ENTHD1: variants seen among roughly 807,000 people sequenced by gnomAD.
ENTHD1 encodes ENTH domain containing 1.
ENTHD1 carries 23 observed loss-of-function variants against 39.1 expected under a neutral mutation model. The ratio of observed to expected loss-of-function variants is 0.59; its 90% CI spans 0.42 to 0.83. ENTHD1 has a LOEUF of 0.83. Among genes scored for constraint, ENTHD1 ranks in the 40% least tolerant of loss-of-function variants. The pLI is 0.00. For synonymous variants in ENTHD1, 230 were observed against 258.2 expected, an observed-to-expected ratio of 0.89 and a Z score of 1.05; for missense variants, 624 against 705.4, an observed-to-expected ratio of 0.88 and a Z score of 1.31.
intron 1 of ENTHD1, among the ~76,000 whole-genome samples, chr22:39,889,385 T>C (rs1024465684): frequency 6.6e-6 from 1 of 152,156 alleles, no homozygotes; most frequent in Non-Finnish European, 1.5e-5. Flanking sequence ...CCATTCCCTT[T>C]CTCTTTTTCA....
intron 3 of ENTHD1, among the ~76,000 whole-genome samples, chr22:39,838,024 A>G (rs1862891546): frequency 6.6e-6 from 1 of 152,362 alleles, no homozygotes; most frequent in Non-Finnish European, 1.5e-5. Context: ...CCAAAAATTG[A>G]ATGAACCAAA....
chr22:39,861,891 A>G lies in ENTHD1; in HGVS notation c.466T>C (p.Leu156=), dbSNP rs375582244. The change falls in exon 3 of 7, where the codon TTG becomes CTG. Residue 156 remains leucine, a synonymous_variant. Coordinates refer to ENST00000325157, the MANE Select transcript of ENTHD1 (RefSeq NM_152512.4). ...RTRQRTSHSI[L]FSKRQLGSSN... ...GAACCAAGTTGTCTTTTAGAAAACA[A>G]TATAGAGTGGGAGGTACGCTGTCTA... 6.2e-7 allele frequency: 1 copy of G among 1,606,158 alleles called. No homozygotes were observed. Among genetic ancestry groups the G allele is most frequent in the African/African-American group, 1.3e-5 (1 of 74,904 alleles).
chr22:39,834,017 A>G (rs2065890524), intron 4 of ENTHD1, among the ~76,000 whole-genome samples: 2 of 152,158 alleles, frequency 1.3e-5, no homozygotes, highest in South Asian at 4.2e-4. Flanking sequence ...TTAATTCAAA[A>G]TAGATCACAG....
intron 5 of ENTHD1, among the ~76,000 whole-genome samples, chr22:39,816,102 G>A (rs1293456970): frequency 2.0e-5 from 3 of 152,106 alleles, no homozygotes; most frequent in African/African-American, 4.8e-5. Flanking sequence ...AGATCGTCAC[G>A]TGCCTATGGA....
intron 3 of ENTHD1, among the ~76,000 whole-genome samples, chr22:39,850,316 A>G (rs1421940321): frequency 6.6e-6 from 1 of 152,216 alleles, no homozygotes; most frequent in Non-Finnish European, 1.5e-5. Context: ...TCTTATTATT[A>G]TCCTTAATGC....
At chr22:39,833,207 G>A (rs2065884053) in intron 4 of ENTHD1, among the ~76,000 whole-genome samples, 1 of 152,088 alleles carries the variant, frequency 6.6e-6, no homozygotes, top group South Asian at 2.1e-4. Flanking sequence ...TGGGGGTGAA[G>A]GGGAAGAAAT....
intron 3 of ENTHD1, among the ~76,000 whole-genome samples, chr22:39,850,734 A>G (rs1352759409): frequency 6.6e-6 from 1 of 152,152 alleles, no homozygotes; most frequent in Non-Finnish European, 1.5e-5. Flanking sequence ...GTTTACCTTT[A>G]AAAGTTTACA....
intron 5 of ENTHD1, among the ~76,000 whole-genome samples, chr22:39,789,986 T>C (rs192314084): frequency 2.0e-5 from 3 of 151,868 alleles, no homozygotes; most frequent in Admixed American, 1.3e-4. Flanking sequence ...AGTGTTCTAG[T>C]TGGAGGGAAG....
intron 5 of ENTHD1, among the ~76,000 whole-genome samples, chr22:39,782,131 A>C (rs1186174418): frequency 2.0e-5 from 3 of 152,138 alleles, no homozygotes; most frequent in African/African-American, 7.2e-5. Flanking sequence ...AACTAAAAAT[A>C]CAAAAATTAT....
At chr22:39,806,987 A>G (rs2065646545) in intron 5 of ENTHD1, among the ~76,000 whole-genome samples, 1 of 152,166 alleles carries the variant, frequency 6.6e-6, no homozygotes. Context: ...TGGGGGAAGA[A>G]AGGAGGTTAA....
intron 5 of ENTHD1, among the ~76,000 whole-genome samples, chr22:39,783,831 G>C (rs1307738479): frequency 6.6e-6 from 1 of 152,100 alleles, no homozygotes; most frequent in South Asian, 2.1e-4. Flanking sequence ...CTAGGACATG[G>C]GCCTGGGCAA....
chr22:39,819,255 C>T (rs2065759387), intron 5 of ENTHD1, among the ~76,000 whole-genome samples: 1 of 152,052 alleles, frequency 6.6e-6, no homozygotes, highest in African/African-American at 2.4e-5. Context: ...GTCCCAGCTA[C>T]TTGGGAGACT....
In ENTHD1 at chr22:39,880,980, C is replaced by T. The variant is rs150942261; in HGVS notation, c.349+6420G>A. 2.2e-3 allele frequency among the ~76,000 whole-genome samples: 329 copies of T among 152,280 alleles called. 4 individuals are homozygous for T. In the South Asian group the frequency reaches 0.032, roughly 15 times the overall value. On this transcript the variant is annotated intron_variant, in intron 2 of 6. Transcript: ENST00000325157. ...GGAGAGTTATTCAACCTCTGTGCAC[C>T]TTGGTTTCCCCATCAGCAAAAAGGA...
chr22:39,877,181 C>G (rs1256726100), intron 2 of ENTHD1, among the ~76,000 whole-genome samples: 1 of 152,142 alleles, frequency 6.6e-6, no homozygotes. Flanking sequence ...ACTGACCCAG[C>G]CTTGCCAACT....
intron 5 of ENTHD1, among the ~76,000 whole-genome samples, chr22:39,796,583 A>G (rs893879045): frequency 6.6e-6 from 1 of 151,974 alleles, no homozygotes; most frequent in Non-Finnish European, 1.5e-5. Flanking sequence ...TTGTATTTCT[A>G]TTTTCATTTG....
chr22:39,811,918 G>A (rs2065689578), intron 5 of ENTHD1, among the ~76,000 whole-genome samples: 1 of 152,030 alleles, frequency 6.6e-6, no homozygotes, highest in Admixed American at 6.5e-5. Context: ...GGCGCAGCTT[G>A]CAGTGAGCCG....
chr22:39,853,819 C>T (rs537747439), intron 3 of ENTHD1, among the ~76,000 whole-genome samples: 1 of 152,328 alleles, frequency 6.6e-6, no homozygotes, highest in South Asian at 2.1e-4. Context: ...AGGTTATCTG[C>T]CTGCCTTGGC....
At chr22:39,794,630 G>A (rs2065532269) in intron 5 of ENTHD1, among the ~76,000 whole-genome samples, 1 of 151,872 alleles carries the variant, frequency 6.6e-6, no homozygotes, top group African/African-American at 2.4e-5. Context: ...GTGAAACCCC[G>A]TCTCTACTAA....
chr22:39,892,863 G>A (rs1011106287), intron 1 of ENTHD1, among the ~76,000 whole-genome samples: 11 of 152,230 alleles, frequency 7.2e-5, no homozygotes, highest in African/African-American at 1.9e-4. Context: ...AGACTACCAT[G>A]CCATTAGGAG....
Sources: gnomAD v4.1 joint callset for allele counts (sites outside exome capture counted in the v4.1 genomes callset) on GRCh38, gnomAD v4.1.1 for gene constraint, MANE v1.5 for transcripts, NCBI Gene and HGNC (gene_info 2026-07-23, HGNC 2026-07-21) for gene names.